LINGO2: variants seen among roughly 807,000 people sequenced by gnomAD.
LINGO2 encodes the protein leucine rich repeat and Ig domain containing 2.
Under a neutral mutation model 30.6 loss-of-function variants are expected in LINGO2, and 14 were observed. The ratio of observed to expected loss-of-function variants is 0.46; its 90% CI spans 0.30 to 0.72. The LOEUF (loss-of-function observed/expected upper bound fraction) is 0.72, where lower values mean the gene tolerates loss of function less well. Among genes scored for constraint, LINGO2 ranks in the 30% least tolerant of loss-of-function variants. The probability of loss-of-function intolerance (pLI) is 0.07; values close to 1 mark genes in which losing one functional copy is unlikely to be tolerated. For synonymous variants in LINGO2, 317 were observed against 288.5 expected, an observed-to-expected ratio of 1.10 and a Z score of -1.00; for missense variants, 729 against 751.7, an observed-to-expected ratio of 0.97 and a Z score of 0.35.
the LINGO2 span, among the ~76,000 whole-genome samples, chr9:29,126,720 A>G: frequency 6.6e-6 from 1 of 152,086 alleles, no homozygotes; most frequent in Admixed American, 6.6e-5. Context: ...CAATTATGTA[A>G]AGTGCTTCTT....
chr9:28,383,253 A>AC (rs1821425181), intron 2 of LINGO2, among the ~76,000 whole-genome samples: 1 of 19,854 alleles, frequency 5.0e-5, no homozygotes, highest in Admixed American at 7.3e-4. Flanking sequence ...ATCACCATTC[A>AC]TTGTGTGTGT....
At chr9:28,298,345 A>AT (rs1263259552) in intron 3 of LINGO2, among the ~76,000 whole-genome samples, 3 of 151,846 alleles carry the variant, frequency 2.0e-5, no homozygotes, top group African/African-American at 7.3e-5. Flanking sequence ...TAATGCTTTC[A>AT]TTTTTTTGAG....
At chr9:28,425,694 A>G (rs969614671) in intron 2 of LINGO2, among the ~76,000 whole-genome samples, 7 of 151,992 alleles carry the variant, frequency 4.6e-5, no homozygotes, top group Admixed American at 1.3e-4. Flanking sequence ...AAAATTAAGA[A>G]CAACAAAATC....
intron 4 of LINGO2, among the ~76,000 whole-genome samples, chr9:28,123,358 T>C (rs1305447906): frequency 6.6e-6 from 1 of 152,216 alleles, no homozygotes; most frequent in African/African-American, 2.4e-5. Context: ...AGGAGCAATC[T>C]GGACTTGATT....
At chr9:28,606,852 A>G (rs1825713703) in intron 1 of LINGO2, among the ~76,000 whole-genome samples, 1 of 152,060 alleles carries the variant, frequency 6.6e-6, no homozygotes, top group Non-Finnish European at 1.5e-5. Flanking sequence ...AAATGTTCAA[A>G]TATTTTTATC....
chr9:27,973,261 G>C (rs1308924979), intron 5 of LINGO2, among the ~76,000 whole-genome samples: 1 of 152,190 alleles, frequency 6.6e-6, no homozygotes. Flanking sequence ...TTGGCTTAAA[G>C]CAGTGGATTC....
intron 1 of LINGO2, among the ~76,000 whole-genome samples, chr9:28,638,519 G>A (rs975921285): frequency 8.5e-5 from 13 of 152,156 alleles, no homozygotes; most frequent in African/African-American, 2.9e-4. Flanking sequence ...TCTATTCAGA[G>A]ATTCAACTGC....
intron 2 of LINGO2, among the ~76,000 whole-genome samples, chr9:28,460,514 A>T (rs1381768212): frequency 6.6e-6 from 1 of 152,184 alleles, no homozygotes; most frequent in Non-Finnish European, 1.5e-5. Flanking sequence ...GAAAGATGCT[A>T]TTAGAAACAT....
chr9:28,585,069 C>T (rs867237333), intron 1 of LINGO2, among the ~76,000 whole-genome samples: 3 of 151,810 alleles, frequency 2.0e-5, no homozygotes, highest in Non-Finnish European at 2.9e-5. Context: ...TAAAAAGAGG[C>T]GAGTCATCAC....
At chr9:29,057,216 T>C in the LINGO2 span, among the ~76,000 whole-genome samples, 1 of 152,276 alleles carries the variant, frequency 6.6e-6, no homozygotes, top group Non-Finnish European at 1.5e-5. Context: ...CAATATTGAT[T>C]CTATCCATCC....
intron 2 of LINGO2, among the ~76,000 whole-genome samples, chr9:28,403,699 C>A (rs1324033825): frequency 2.0e-5 from 3 of 151,098 alleles, no homozygotes; most frequent in Non-Finnish European, 4.4e-5. Flanking sequence ...TTCCTGGACG[C>A]CCAGAATAAT....
At chr9:28,563,407 T>C (rs903505431) in intron 1 of LINGO2, among the ~76,000 whole-genome samples, 1 of 152,160 alleles carries the variant, frequency 6.6e-6, no homozygotes, top group Non-Finnish European at 1.5e-5. Context: ...TACAGCTTTC[T>C]ATTTACGTCT....
At chr9:28,404,808 A>T (rs1216431010) in intron 2 of LINGO2, among the ~76,000 whole-genome samples, 1 of 152,110 alleles carries the variant, frequency 6.6e-6, no homozygotes, top group Non-Finnish European at 1.5e-5. Flanking sequence ...TTCATCCATA[A>T]GTGAGCTGCA....
At chr9:29,136,022 A>G in the LINGO2 span, among the ~76,000 whole-genome samples, 2 of 152,178 alleles carry the variant, frequency 1.3e-5, no homozygotes, top group East Asian at 3.9e-4. Flanking sequence ...TGGCCAGCTC[A>G]CTACTGAAAC....
At chr9:29,031,788 C>G in the LINGO2 span, among the ~76,000 whole-genome samples, 1 of 152,086 alleles carries the variant, frequency 6.6e-6, no homozygotes, top group Admixed American at 6.6e-5. Context: ...AAGTGATAAA[C>G]CACTGTGTCA....
chr9:28,989,282 TCAATATTAGCATTG>T, the LINGO2 span, among the ~76,000 whole-genome samples: 1 of 152,230 alleles, frequency 6.6e-6, no homozygotes. Flanking sequence ...TTCAGCTGTG[TCAATATTAGCATTG>T]CATCAAGAGA....
chr9:28,937,294 G>C, the LINGO2 span, among the ~76,000 whole-genome samples: 1 of 152,116 alleles, frequency 6.6e-6, no homozygotes, highest in Non-Finnish European at 1.5e-5. Context: ...GACTTGAGAG[G>C]CAGCATTTGA....
intron 5 of LINGO2, among the ~76,000 whole-genome samples, chr9:27,997,964 G>C (rs113846369): frequency 1.3e-5 from 2 of 151,110 alleles, no homozygotes; most frequent in Admixed American, 6.6e-5. Flanking sequence ...TGGGGTGGGA[G>C]GGGGGGAGGT....
chr9:28,390,365 T>C (rs529761754), intron 2 of LINGO2, among the ~76,000 whole-genome samples: 4 of 152,340 alleles, frequency 2.6e-5, no homozygotes, highest in African/African-American at 9.6e-5. Context: ...CTATGCATAA[T>C]GGATGTTAAC....
Sources: allele counts gnomAD v4.1 joint callset (sites outside exome capture counted in the v4.1 genomes callset), GRCh38; gene constraint gnomAD v4.1.1; transcripts MANE v1.5; gene names NCBI Gene and HGNC (gene_info 2026-07-23, HGNC 2026-07-21).